Variants in ZPBP observed in about 807,000 individuals in gnomAD.
The protein encoded by ZPBP is zona pellucida-binding protein 1.
In ZPBP, 26 loss-of-function variants were observed where a neutral mutation model predicts 44.8. The observed-to-expected ratio is 0.58, with a 90% confidence interval of 0.43 to 0.81. The LOEUF is 0.81. ZPBP is among the 30% of genes least tolerant of loss of function. The pLI is 0.00. For missense variants in ZPBP, 409 were observed against 434.0 expected, an observed-to-expected ratio of 0.94 and a Z score of 0.51; for synonymous variants, 174 against 153.2, an observed-to-expected ratio of 1.14 and a Z score of -1.00.
At chr7:49,904,334 C>T (rs1792961375) in intron 1 of ZPBP, among the ~76,000 whole-genome samples, 2 of 152,196 alleles carry the variant, frequency 1.3e-5, no homozygotes, top group South Asian at 4.1e-4. Flanking sequence ...TAAGCTGTAA[C>T]TTTGGGAAAA....
intron 7 of ZPBP, among the ~76,000 whole-genome samples, chr7:49,951,623 G>A (rs2128758718): frequency 6.6e-6 from 1 of 151,262 alleles, no homozygotes; most frequent in Non-Finnish European, 1.5e-5. Flanking sequence ...TCACTAATGG[G>A]ATTGTAAAAT....
At chr7:49,933,567 A>G (rs181355686), downstream of ZPBP, among the ~76,000 whole-genome samples, 2 of 152,184 alleles carry the variant, frequency 1.3e-5, no homozygotes, top group Admixed American at 6.5e-5. Context: ...TACCCAAAGG[A>G]TTATAAATCA....
At chr7:49,885,009 T>G (rs2128728387) in intron 2 of ZPBP, among the ~76,000 whole-genome samples, 1 of 152,180 alleles carries the variant, frequency 6.6e-6, no homozygotes, top group South Asian at 2.1e-4. Flanking sequence ...AGGATATAAG[T>G]GTTGTATGGC....
Position 50,089,521 on chromosome 7 carries a change from C to A in ZPBP, c.208+108G>T, listed in dbSNP as rs372980847. 3.7e-5 allele frequency: 31 copies of A among 839,520 alleles called. No homozygotes were observed. The South Asian group carries it at 4.4e-4, about 12-fold the overall frequency. 52.0% of individuals were successfully genotyped at this position (839,520 alleles called of 1,614,324 possible). A position where few individuals can be genotyped will look rare whatever the true frequency, so the allele number is the denominator to read the frequency against. ...TCCACTTCTGTAGAAAGAAAAGGGC[C>A]TTAGGAGACTAGGATAAATGAAGAG... On this transcript the variant is annotated intron_variant, in intron 2 of 7. Coordinates refer to ENST00000046087, the MANE Select transcript of ZPBP (RefSeq NM_007009.3).
At chr7:49,903,846 A>C (rs1283558954) in intron 1 of ZPBP, among the ~76,000 whole-genome samples, 1 of 152,134 alleles carries the variant, frequency 6.6e-6, no homozygotes, top group Non-Finnish European at 1.5e-5. Context: ...CTCTCTCTCT[A>C]GTGAGAGAGA....
intron 5 of ZPBP, among the ~76,000 whole-genome samples, chr7:50,022,065 T>G (rs1799125563): frequency 6.6e-6 from 1 of 152,024 alleles, no homozygotes; most frequent in Non-Finnish European, 1.5e-5. Context: ...ATAAAAACAC[T>G]TCAACCAAGA....
intron 1 of ZPBP, chr7:49,912,620 C>A (rs1872137): frequency 0.76 from 118,829 of 155,486 alleles, 45,601 homozygotes; most frequent in East Asian, 0.88. Flanking sequence ...TTTCACAGGG[C>A]AGAGTCACGC....
At chr7:49,863,045 A>G (rs192888021) in intron 2 of ZPBP, among the ~76,000 whole-genome samples, 116 of 152,204 alleles carry the variant, frequency 7.6e-4, no homozygotes, top group African/African-American at 2.6e-3. Context: ...ATTTGTGCTA[A>G]TTGTTTGTTA....
At chr7:49,889,099 GCT>G (rs1361229954) in intron 2 of ZPBP, among the ~76,000 whole-genome samples, 3 of 152,156 alleles carry the variant, frequency 2.0e-5, no homozygotes, top group African/African-American at 7.2e-5. Flanking sequence ...TACAGGGAAT[GCT>G]CATCTTTTGT....
chr7:50,086,059 T>C (rs912029337), intron 2 of ZPBP, among the ~76,000 whole-genome samples: 4 of 152,122 alleles, frequency 2.6e-5, no homozygotes, highest in African/African-American at 9.7e-5. Context: ...GGAGACTAAC[T>C]AGTTCAAGAT....
the ZPBP span, among the ~76,000 whole-genome samples, chr7:49,841,745 T>C: frequency 1.3e-5 from 2 of 152,238 alleles, no homozygotes; most frequent in Non-Finnish European, 2.9e-5. Context: ...TTTCTTATAA[T>C]GTGTAATAAT....
chr7:50,045,801 A>C lies in ZPBP; in HGVS notation c.487+12188T>G, dbSNP rs534074659. Among the ~76,000 whole-genome samples, 3 of 152,208 alleles carry C rather than the reference A, an allele frequency of 2.0e-5. No homozygotes were observed. In the East Asian group the frequency reaches 5.8e-4, roughly 29 times the overall value. ...CACAGAACTAGAAAAAGCTACTTTA[A>C]ATTTCATATGGAACCAAAAAGGAGC... On this transcript the variant is annotated intron_variant, in intron 4 of 7. Transcript: ENST00000046087.
intron 2 of ZPBP, among the ~76,000 whole-genome samples, chr7:49,895,636 C>A (rs969458698): frequency 1.3e-5 from 2 of 152,136 alleles, no homozygotes; most frequent in African/African-American, 4.8e-5. Context: ...AAAATCAACA[C>A]AATGTAACAT....
intron 1 of ZPBP, chr7:49,917,167 T>G (rs1361816101): frequency 1.3e-5 from 2 of 152,194 alleles, no homozygotes; most frequent in Non-Finnish European, 1.5e-5. Context: ...AATAATGAGC[T>G]GAGTCATTTG....
At chr7:50,000,843 AC>A (rs1798065117) in intron 6 of ZPBP, among the ~76,000 whole-genome samples, 1 of 152,150 alleles carries the variant, frequency 6.6e-6, no homozygotes, top group Non-Finnish European at 1.5e-5. Flanking sequence ...AACACCCAGT[AC>A]CTCAGAATGT....
At chr7:49,965,158 T>A (rs1796010069) in intron 7 of ZPBP, among the ~76,000 whole-genome samples, 2 of 152,002 alleles carry the variant, frequency 1.3e-5, no homozygotes, top group South Asian at 4.1e-4. Flanking sequence ...TCCAAACAAC[T>A]TACCAATGTG....
At chr7:49,889,379 A>G (rs919193285) in intron 2 of ZPBP, among the ~76,000 whole-genome samples, 2 of 152,264 alleles carry the variant, frequency 1.3e-5, no homozygotes, top group African/African-American at 2.4e-5. Flanking sequence ...ATTTAAACAT[A>G]TCATGGCAAC....
chr7:49,880,312 C>T (rs185178534), intron 2 of ZPBP, among the ~76,000 whole-genome samples: 5 of 152,060 alleles, frequency 3.3e-5, no homozygotes, highest in East Asian at 3.9e-4. Flanking sequence ...GTATTTTTAA[C>T]GCATGATGCT....
chr7:49,990,665 CA>C (rs1014123631), intron 6 of ZPBP, among the ~76,000 whole-genome samples: 15 of 144,274 alleles, frequency 1.0e-4, no homozygotes, highest in South Asian at 4.4e-4. Context: ...GTTCAGGAAA[CA>C]AAAAAAAAAC....
Sources: gnomAD v4.1 joint callset for allele counts (sites outside exome capture counted in the v4.1 genomes callset) on GRCh38, gnomAD v4.1.1 for gene constraint, MANE v1.5 for transcripts, NCBI Gene and HGNC (gene_info 2026-07-23, HGNC 2026-07-21) for gene names.